The following GRM5 variants were observed in gnomAD, a reference collection of about 807,000 sequenced individuals.
The protein encoded by GRM5 is glutamate metabotropic receptor 5.
Under a neutral mutation model 83.1 loss-of-function variants are expected in GRM5, and 19 were observed. The observed-to-expected ratio is 0.23, with a 90% CI of 0.16 to 0.34. The LOEUF is 0.34. Ranked by LOEUF, GRM5 falls within the 10% of genes least tolerant of loss-of-function variation. The pLI is 1.00. For synonymous variants in GRM5, 675 were observed against 633.6 expected, an observed-to-expected ratio of 1.07 and a Z score of -0.98; for missense variants, 1,160 against 1,588.3, an observed-to-expected ratio of 0.73 and a Z score of 4.58.
At chr11:88,738,917 T>C (rs74906287) in intron 3 of GRM5, among the ~76,000 whole-genome samples, 3,602 of 152,200 alleles carry the variant, frequency 0.024, 143 homozygotes, top group African/African-American at 0.08. Flanking sequence ...TCTTACACTC[T>C]CTTCTTCGCC....
intron 2 of GRM5, among the ~76,000 whole-genome samples, chr11:88,926,356 T>A (rs1188617548): frequency 6.6e-6 from 1 of 152,192 alleles, no homozygotes; most frequent in Non-Finnish European, 1.5e-5. Context: ...ACTAGCATGT[T>A]GAAAGATAAC....
rs373161442 is a variant in GRM5 at position 88,567,186 on chromosome 11, C to A, written c.2497G>T (p.Val833Leu). 1.2e-5 allele frequency: 20 copies of A among 1,613,956 alleles called. No homozygotes were observed. Among genetic ancestry groups the A allele is most frequent in the Non-Finnish European group, 1.7e-5 (20 of 1,179,954 alleles). The change falls in exon 8 of 10, where the codon GTG (valine) becomes TTG (leucine). Residue 833 changes from valine (V) to leucine (L), a missense_variant. Val to Leu is a conservative substitution (Grantham distance 32). Around this residue, in one of 9 missense-constraint regions of GRM5, gnomAD observed 66 missense variants for 138.6 expected, o/e 0.48. Transcript: ENST00000305447. The surrounding 1 kb of genome is among the most constrained non-coding windows in gnomAD (Gnocchi z 7.3). The part of the protein sequence containing the change: ...YIILAKPERN[V>L]RSAFTTSTVV... ...GTAGATGTGGTGAAGGCGCTGCGCA[C>A]GTTTCTCTCTGGTTTGGCCAGGATG...
intron 3 of GRM5, among the ~76,000 whole-genome samples, chr11:88,848,217 G>A (rs190472673): frequency 7.2e-4 from 110 of 152,198 alleles, no homozygotes; most frequent in Middle Eastern, 3.4e-3. Context: ...GCCAACTAGC[G>A]ACGATTTTGA....
intron 2 of GRM5, among the ~76,000 whole-genome samples, chr11:88,938,131 A>C (rs1156835026): frequency 1.3e-5 from 2 of 151,732 alleles, no homozygotes; most frequent in African/African-American, 4.8e-5. Context: ...CAATGTGTAC[A>C]TATATCAATA....
At chr11:88,581,876 G>C (rs1313593554) in intron 7 of GRM5, among the ~76,000 whole-genome samples, 1 of 151,958 alleles carries the variant, frequency 6.6e-6, no homozygotes, top group African/African-American at 2.4e-5. Context: ...CATTCCTTAT[G>C]GTCTTTTTTT....
chr11:88,984,491 C>T (rs371216487), intron 2 of GRM5, among the ~76,000 whole-genome samples: 4 of 152,126 alleles, frequency 2.6e-5, no homozygotes, highest in Admixed American at 2.6e-4. Context: ...CAGGATGAAA[C>T]TGCCTAATGT....
At chr11:88,907,581 T>C (rs651146) in intron 2 of GRM5, among the ~76,000 whole-genome samples, 1,576 of 152,322 alleles carry the variant, frequency 0.01, 8 homozygotes, top group Non-Finnish European at 0.015. Flanking sequence ...TATTTACTCA[T>C]GCGAATATTA....
intron 7 of GRM5, among the ~76,000 whole-genome samples, chr11:88,590,262 T>C (rs1041975335): frequency 3.9e-5 from 6 of 152,156 alleles, no homozygotes; most frequent in African/African-American, 1.4e-4. Context: ...TCTCACTGGC[T>C]AAAACTTCTT....
chr11:89,009,596 A>T (rs1458969616), intron 2 of GRM5, among the ~76,000 whole-genome samples: 1 of 152,046 alleles, frequency 6.6e-6, no homozygotes, highest in Non-Finnish European at 1.5e-5. Flanking sequence ...CTAAGCCATA[A>T]AATAAAAACA....
intron 3 of GRM5, among the ~76,000 whole-genome samples, chr11:88,749,122 T>G (rs1942208102): frequency 6.6e-6 from 1 of 152,136 alleles, no homozygotes; most frequent in African/African-American, 2.4e-5. Flanking sequence ...GAAGTAGGCT[T>G]CAAAAGGTGG....
intron 3 of GRM5, among the ~76,000 whole-genome samples, chr11:88,783,559 T>G (rs141588661): frequency 6.6e-6 from 1 of 152,202 alleles, no homozygotes; most frequent in African/African-American, 2.4e-5. Flanking sequence ...GCAACCATAT[T>G]GTATAGTTAG....
intron 2 of GRM5, among the ~76,000 whole-genome samples, chr11:88,932,952 A>G (rs2135650711): frequency 6.6e-6 from 1 of 152,042 alleles, no homozygotes; most frequent in Admixed American, 6.6e-5. Context: ...CTTGACCCAC[A>G]TATCTCTAAA....
intron 3 of GRM5, among the ~76,000 whole-genome samples, chr11:88,760,645 G>C (rs1206702321): frequency 6.6e-6 from 1 of 151,998 alleles, no homozygotes; most frequent in Non-Finnish European, 1.5e-5. Context: ...AAAAGAGCTG[G>C]TATCATTTCT....
At chr11:88,834,394 A>G (rs1215098506) in intron 3 of GRM5, among the ~76,000 whole-genome samples, 1 of 152,246 alleles carries the variant, frequency 6.6e-6, no homozygotes, top group Non-Finnish European at 1.5e-5. Flanking sequence ...ATCTTGAAGC[A>G]TAAAGACTTG....
rs1942963587 is a variant in GRM5 at position 88,570,434 on chromosome 11, T to C, written c.1691-2442A>G. On this transcript the variant is annotated intron_variant, in intron 7 of 9. Coordinates refer to ENST00000305447, the MANE Select transcript of GRM5 (RefSeq NM_001143831.3). ...GTATTTCTAGTCATCTACGTTCCCA[T>C]GTGCTTCCTATATAGTTGGAATTCA... 2.0e-5 allele frequency among the ~76,000 whole-genome samples: 3 copies of C among 150,834 alleles called. No homozygotes were observed. In the South Asian group the frequency reaches 6.3e-4, roughly 31 times the overall value.
At chr11:88,770,520 C>A (rs987392935) in intron 3 of GRM5, among the ~76,000 whole-genome samples, 1 of 152,030 alleles carries the variant, frequency 6.6e-6, no homozygotes, top group African/African-American at 2.4e-5. Flanking sequence ...GAAGTTGATT[C>A]ATAGAAAATC....
intron 2 of GRM5, among the ~76,000 whole-genome samples, chr11:89,023,243 C>T (rs1195082424): frequency 2.0e-5 from 3 of 151,770 alleles, no homozygotes; most frequent in Non-Finnish European, 4.4e-5. Context: ...TTTCATACAC[C>T]ATCAGGGGGG....
rs545711825 is a variant in GRM5, at chr11:88,967,692, G to A, written c.661+79520C>T. On this transcript the variant is annotated intron_variant, in intron 2 of 9. Transcript: ENST00000305447. ...ATTAAATTTCAACATGAGTTTCAGA[G>A]GGCATATTCAAGTCATAGCAACAGA... Among the ~76,000 whole-genome samples, 310 of 152,160 alleles carry A rather than the reference G, an allele frequency of 2.0e-3. 1 individual carries two copies. The highest frequency in any genetic ancestry group is 3.2e-3 in the Non-Finnish European group (217 of 67,988).
At chr11:88,854,699 A>T (rs1298563677) in intron 2 of GRM5, among the ~76,000 whole-genome samples, 3 of 151,968 alleles carry the variant, frequency 2.0e-5, no homozygotes, top group Non-Finnish European at 4.4e-5. Flanking sequence ...CATCTGGCTG[A>T]TGGGTACACT....
Sources: gnomAD v4.1 joint callset for allele counts (sites outside exome capture counted in the v4.1 genomes callset) on GRCh38, gnomAD v4.1.1 for gene constraint, gnomAD v4.1.1 regional missense constraint, Gnocchi (gnomAD v3.1) non-coding constraint, MANE v1.5 for transcripts, NCBI Gene and HGNC (gene_info 2026-07-23, HGNC 2026-07-21) for gene names.